Variants in SOX5 observed in about 807,000 individuals in gnomAD.
The protein encoded by SOX5 is SRY-box transcription factor 5, also known as transcription factor SOX-5.
Under a neutral mutation model 92.0 loss-of-function variants are expected in SOX5, and 9 were observed. That is an observed-to-expected ratio of 0.10 (90% CI 0.06 to 0.17). The LOEUF (loss-of-function observed/expected upper bound fraction) is 0.17, where lower values mean the gene tolerates loss of function less well. SOX5 is among the 10% of genes least tolerant of loss of function. SOX5 has a pLI of 1.00. For missense variants in SOX5, 642 were observed against 944.5 expected (o/e 0.68, Z 4.20); for synonymous variants, 344 against 336.3 (o/e 1.02, Z -0.25).
chr12:23,577,721 A>G (rs1319555236), intron 9 of SOX5, among the ~76,000 whole-genome samples: 3 of 152,154 alleles, frequency 2.0e-5, no homozygotes, highest in Non-Finnish European at 4.4e-5. Context: ...ATTAAAGACT[A>G]TTATACCAAA....
At chr12:24,277,176 CA>C in intron 3 of SOX5, 1 of 151,762 alleles carries the variant, frequency 6.6e-6, no homozygotes, top group South Asian at 2.1e-4. Context: ...GAATAGTTAT[CA>C]ATTTTTCAAA....
chr12:23,824,679 G>A (rs1375355915), intron 3 of SOX5, among the ~76,000 whole-genome samples: 1 of 152,192 alleles, frequency 6.6e-6, no homozygotes, highest in Admixed American at 6.5e-5. Context: ...TGCTGAAGAT[G>A]CGTCCACAGC....
At chr12:23,911,731 G>A (rs1453297662) in intron 1 of SOX5, among the ~76,000 whole-genome samples, 3 of 152,030 alleles carry the variant, frequency 2.0e-5, no homozygotes, top group African/African-American at 7.2e-5. Context: ...CACTAATTAT[G>A]CATTGATATG....
At chr12:23,589,865 C>T (rs563253615) in intron 9 of SOX5, among the ~76,000 whole-genome samples, 1 of 152,022 alleles carries the variant, frequency 6.6e-6, no homozygotes, top group South Asian at 2.1e-4. Flanking sequence ...TAATTACAAG[C>T]CAAGTATTGT....
At chr12:23,540,259 T>C (rs12306684) in intron 13 of SOX5, among the ~76,000 whole-genome samples, 3,595 of 151,614 alleles carry the variant, frequency 0.024, 170 homozygotes, top group African/African-American at 0.082. Flanking sequence ...GAGATATACC[T>C]AACGCTAAAT....
chr12:23,571,482 C>G (rs895284392), intron 10 of SOX5, among the ~76,000 whole-genome samples: 1 of 152,114 alleles, frequency 6.6e-6, no homozygotes, highest in Non-Finnish European at 1.5e-5. Flanking sequence ...GCTTATCCTC[C>G]AGACTAAGCA....
At chr12:24,216,838 G>C (rs1329933511) in intron 3 of SOX5, among the ~76,000 whole-genome samples, 1 of 152,154 alleles carries the variant, frequency 6.6e-6, no homozygotes, top group Admixed American at 6.5e-5. Flanking sequence ...TGAGGCCGGG[G>C]AATCACTTTT....
At chr12:23,848,163 C>G (rs541566831) in intron 2 of SOX5, among the ~76,000 whole-genome samples, 2 of 152,132 alleles carry the variant, frequency 1.3e-5, no homozygotes, top group Non-Finnish European at 2.9e-5. Flanking sequence ...TGTCTGTACT[C>G]TGCTTTCACA....
chr12:24,031,214 T>TAC (rs1454440132), intron 4 of SOX5, among the ~76,000 whole-genome samples: 20 of 151,336 alleles, frequency 1.3e-4, no homozygotes, highest in East Asian at 9.7e-4. Flanking sequence ...TATATATATA[T>TAC]ACACAAAGGA....
intron 3 of SOX5, among the ~76,000 whole-genome samples, chr12:23,787,732 CAA>C (rs1414571576): frequency 6.6e-6 from 1 of 151,800 alleles, no homozygotes; most frequent in Non-Finnish European, 1.5e-5. Context: ...TCTAATCAAT[CAA>C]AGAGACTTCA....
intron 8 of SOX5, among the ~76,000 whole-genome samples, chr12:23,614,542 T>C (rs1185387072): frequency 6.6e-6 from 1 of 152,232 alleles, no homozygotes; most frequent in Non-Finnish European, 1.5e-5. Context: ...GGGTGTATAA[T>C]ATTTGTTTAT....
chr12:24,183,898 C>T (rs547395891), intron 4 of SOX5, among the ~76,000 whole-genome samples: 9 of 152,174 alleles, frequency 5.9e-5, no homozygotes, highest in Admixed American at 2.6e-4. Flanking sequence ...ACCTACTCGC[C>T]TTCAATTAAT....
chr12:24,260,283 C>G (rs898584550), intron 3 of SOX5, among the ~76,000 whole-genome samples: 4 of 152,134 alleles, frequency 2.6e-5, no homozygotes, highest in Non-Finnish European at 5.9e-5. Context: ...GAGTTTAGTA[C>G]TGAGTTATAT....
chr12:23,535,182 C>CA (rs1481674183), intron 14 of SOX5, among the ~76,000 whole-genome samples: 1 of 152,162 alleles, frequency 6.6e-6, no homozygotes, highest in Non-Finnish European at 1.5e-5. Context: ...TTCATTATAA[C>CA]ATGCAGAAAT....
chr12:24,044,200 T>G (rs1008721709), intron 4 of SOX5, among the ~76,000 whole-genome samples: 1 of 152,216 alleles, frequency 6.6e-6, no homozygotes, highest in African/African-American at 2.4e-5. Context: ...ATTCAACAAT[T>G]TTATACTAAG....
intron 2 of SOX5, 32 bp from the exon 3 acceptor site, chr12:23,846,225 T>C (rs1265664596): frequency 6.6e-7 from 1 of 1,511,988 alleles, no homozygotes; most frequent in Non-Finnish European, 9.2e-7. Flanking sequence ...CAAATAATTG[T>C]TTACCTGAAA....
chr12:23,955,927 A>G (rs1482774944), upstream of SOX5, among the ~76,000 whole-genome samples: 1 of 152,218 alleles, frequency 6.6e-6, no homozygotes, highest in East Asian at 1.9e-4. Flanking sequence ...AAGTGGCTCC[A>G]TTATCTTGCT....
intron 3 of SOX5, among the ~76,000 whole-genome samples, chr12:24,259,631 C>T (rs1283084199): frequency 6.6e-6 from 1 of 152,048 alleles, no homozygotes; most frequent in East Asian, 1.9e-4. Flanking sequence ...CAAGCAGTTA[C>T]AGGGAAGAAA....
At chr12:24,212,386 A>C in intron 4 of SOX5, 1 of 533,084 alleles carries the variant, frequency 1.9e-6, no homozygotes, top group South Asian at 1.4e-5. Context: ...AAAGACATTT[A>C]TCTCTCTGTA....
Sources: allele counts gnomAD v4.1 joint callset (sites outside exome capture counted in the v4.1 genomes callset), GRCh38; gene constraint gnomAD v4.1.1; transcripts MANE v1.5; gene names NCBI Gene and HGNC (gene_info 2026-07-23, HGNC 2026-07-21).